The following CACNA1E variants were observed in gnomAD, a reference collection of about 807,000 sequenced individuals.
CACNA1E encodes the protein voltage-dependent R-type calcium channel subunit alpha-1E.
CACNA1E carries 40 observed loss-of-function variants against 259.2 expected under a neutral mutation model. The observed-to-expected ratio is 0.15, with a 90% CI of 0.12 to 0.20. CACNA1E has a LOEUF of 0.20. Ranked by LOEUF, CACNA1E falls within the 10% of genes least tolerant of loss-of-function variation. CACNA1E has a pLI of 1.00. For synonymous variants in CACNA1E, 1,104 were observed against 1,138.5 expected (o/e 0.97, Z 0.61); for missense variants, 1,874 against 3,040.1 (o/e 0.62, Z 9.02).
At chr1:181,488,519 T>C (rs1664046789) in intron 1 of CACNA1E, among the ~76,000 whole-genome samples, 1 of 152,186 alleles carries the variant, frequency 6.6e-6, no homozygotes, top group Non-Finnish European at 1.5e-5. Flanking sequence ...GGCTTTGCTT[T>C]TGATATGAAG....
intron 21 of CACNA1E, among the ~76,000 whole-genome samples, chr1:181,734,366 G>A (rs1358404851): frequency 6.6e-6 from 1 of 151,396 alleles, no homozygotes. Context: ...GTCCTAAAGG[G>A]AAACACAGCC....
intron 43 of CACNA1E, 61 bp downstream of exon 43, chr1:181,785,880 G>A: frequency 1.8e-6 from 2 of 1,101,282 alleles, no homozygotes; most frequent in Non-Finnish European, 2.7e-6. Context: ...ATGCTGTTGT[G>A]CAGACCCCAA....
intron 1 of CACNA1E, among the ~76,000 whole-genome samples, chr1:181,410,105 G>C (rs1321567649): frequency 6.6e-6 from 1 of 152,126 alleles, no homozygotes; most frequent in East Asian, 1.9e-4. Context: ...TAAGGCCTGG[G>C]GAGGGAGTGG....
intron 2 of CACNA1E, among the ~76,000 whole-genome samples, chr1:181,465,460 T>C (rs1662097336): frequency 6.6e-6 from 1 of 152,132 alleles, no homozygotes; most frequent in African/African-American, 2.4e-5. Flanking sequence ...TCCCATTAGA[T>C]ATATTTTGGG....
chr1:181,684,413 C>T (rs1650301369), intron 7 of CACNA1E, among the ~76,000 whole-genome samples: 1 of 152,126 alleles, frequency 6.6e-6, no homozygotes, highest in South Asian at 2.1e-4. Flanking sequence ...AATATTTTCT[C>T]CCACTCTGTA....
At chr1:181,443,230 A>G (rs1056438695) in intron 2 of CACNA1E, among the ~76,000 whole-genome samples, 2 of 152,254 alleles carry the variant, frequency 1.3e-5, no homozygotes, top group African/African-American at 4.8e-5. Flanking sequence ...ACTATGCAGA[A>G]TATGAAATAC....
chr1:181,383,568 T>A (rs1236890066), intron 1 of CACNA1E, among the ~76,000 whole-genome samples: 2 of 152,242 alleles, frequency 1.3e-5, no homozygotes, highest in African/African-American at 4.8e-5. Context: ...CTCTTCCTCA[T>A]TTAAAATTTA....
intron 6 of CACNA1E, among the ~76,000 whole-genome samples, chr1:181,596,902 G>A (rs1653229735): frequency 1.3e-5 from 2 of 152,054 alleles, no homozygotes; most frequent in South Asian, 4.1e-4. Flanking sequence ...TTTTGGGGTA[G>A]GGGCCTAGGT....
intron 3 of CACNA1E, among the ~76,000 whole-genome samples, chr1:181,548,173 G>A (rs1235571876): frequency 2.1e-5 from 3 of 140,882 alleles, no homozygotes; most frequent in African/African-American, 7.8e-5. Flanking sequence ...CACCCAGGCT[G>A]GAGTGCAGTG....
In CACNA1E at chr1:181,781,484, A is replaced by T; in HGVS notation, c.5325A>T (p.Leu1775=). 6.3e-7 allele frequency: 1 copy of T among 1,597,048 alleles called. No homozygotes were observed. The highest frequency in any genetic ancestry group is 1.1e-5 in the South Asian group (1 of 88,270). Reference sequence around the variant, plus strand: ...TGCTGACTCTCATGTCACCTCCGCTAGGCCTCGGCAAGAGATGTCCCTCCA... The same window carrying T: ...TGCTGACTCTCATGTCACCTCCGCTTGGCCTCGGCAAGAGATGTCCCTCCA... The part of the protein sequence containing the change: ...YEMLTLMSPP[L]GLGKRCPSKV... Residue 1775 remains leucine, a synonymous_variant, in exon 39 of 48, where the codon CTA becomes CTT. Coordinates refer to ENST00000367573, the MANE Select transcript of CACNA1E (RefSeq NM_001205293.3).
At chr1:181,586,842 A>C (rs1652118783) in intron 6 of CACNA1E, among the ~76,000 whole-genome samples, 1 of 152,252 alleles carries the variant, frequency 6.6e-6, no homozygotes, top group Non-Finnish European at 1.5e-5. Context: ...TGCCAGGAGC[A>C]GTTTGAGTGG....
intron 12 of CACNA1E, among the ~76,000 whole-genome samples, chr1:181,718,653 CA>C (rs1379164696): frequency 3.3e-5 from 5 of 151,098 alleles, no homozygotes; most frequent in African/African-American, 7.3e-5. Context: ...CACACACACA[CA>C]CACACACACA....
At position 181,798,271 on chromosome 1, in the gene CACNA1E, C is replaced by T; in HGVS notation, c.6400-21C>T. The T allele has an allele frequency of 6.4e-7, 1 of 1,557,706 alleles. No homozygotes were observed. The highest frequency in any genetic ancestry group is 2.3e-5 in the East Asian group (1 of 44,150). On this transcript the variant is annotated intron_variant, in intron 47 of 47. Coordinates refer to ENST00000367573, the MANE Select transcript of CACNA1E (RefSeq NM_001205293.3). This position sits in a 1 kb window ranked among gnomAD's most constrained non-coding sequence, Gnocchi z 4.2. Reference sequence around the variant, plus strand: ...TCATGCCAAGCCCAATCTAACATGCCATGTCTCTCCTGCTATACAGGGCAC... The same window carrying T: ...TCATGCCAAGCCCAATCTAACATGCTATGTCTCTCCTGCTATACAGGGCAC...
chr1:181,722,709 G>A (rs1441469177), intron 16 of CACNA1E, among the ~76,000 whole-genome samples: 1 of 152,208 alleles, frequency 6.6e-6, no homozygotes, highest in Non-Finnish European at 1.5e-5. Flanking sequence ...TGCTTTTGGG[G>A]AGTTGGGTTG....
rs752391323 is a variant in CACNA1E, at chr1:181,758,731, TTCTC to T, written c.4495-23_4495-20del. The T allele has an allele frequency of 7.7e-7, 1 of 1,300,118 alleles. No homozygotes were observed. The highest frequency in any genetic ancestry group is 1.2e-5 in the South Asian group (1 of 82,450). The allele number at this position is 1,300,118 out of a possible 1,614,324, so 80.5% of individuals were successfully genotyped here. ...CCTCTTACCTTAAGGCTGTGATTCT[TTCTC>T]TCTTCTTTTTTCTTCCTGGCAGTAT... On this transcript the variant is annotated intron_variant, in intron 31 of 47. Transcript: ENST00000367573. This position sits in a 1 kb window ranked among gnomAD's most constrained non-coding sequence, Gnocchi z 4.2.
intron 7 of CACNA1E, among the ~76,000 whole-genome samples, chr1:181,667,916 C>T (rs1414000275): frequency 1.3e-5 from 2 of 151,772 alleles, no homozygotes; most frequent in Admixed American, 6.6e-5. Flanking sequence ...CAGGGAGGTC[C>T]TATGTATTCT....
intron 1 of CACNA1E, among the ~76,000 whole-genome samples, chr1:181,399,261 G>A (rs988159467): frequency 1.9e-4 from 28 of 149,164 alleles, no homozygotes; most frequent in African/African-American, 6.4e-4. Flanking sequence ...AAAAAAAAAA[G>A]CAAATGAAAA....
In CACNA1E at chr1:181,721,741, T is replaced by G; in HGVS notation, c.1957-17T>G. The G allele has an allele frequency of 6.5e-7, 1 of 1,544,706 alleles. No individual in the cohort carries two copies. The highest frequency in any genetic ancestry group is 8.9e-7 in the Non-Finnish European group (1 of 1,117,400). On this transcript the variant is annotated splice_polypyrimidine_tract_variant and intron_variant, in intron 15 of 47. Coordinates refer to ENST00000367573, the MANE Select transcript of CACNA1E (RefSeq NM_001205293.3). ...CCAGCCCAGGTTTCTGATGCGCCTG[T>G]CATTTGCTTTTTGTAGATCCTGACG...
chr1:181,625,983 A>G (rs1015379090), intron 6 of CACNA1E, among the ~76,000 whole-genome samples: 2 of 152,132 alleles, frequency 1.3e-5, no homozygotes, highest in African/African-American at 4.8e-5. Flanking sequence ...CTCAGGGGAT[A>G]GGGAGGCCAA....
Sources: allele counts gnomAD v4.1 joint callset (sites outside exome capture counted in the v4.1 genomes callset), GRCh38; gene constraint gnomAD v4.1.1; non-coding constraint Gnocchi (gnomAD v3.1); transcripts MANE v1.5; gene names NCBI Gene and HGNC (gene_info 2026-07-23, HGNC 2026-07-21).